METTL3: variants seen among roughly 807,000 people sequenced by gnomAD.
The protein encoded by METTL3 is N(6)-adenosine-methyltransferase catalytic subunit METTL3.
In METTL3, 42 loss-of-function variants were observed where a neutral mutation model predicts 64.3. The observed-to-expected ratio is 0.65, with a 90% CI of 0.51 to 0.84. METTL3 has a LOEUF of 0.84. Ranked by LOEUF, METTL3 falls within the 40% of genes least tolerant of loss-of-function variation. METTL3 has a pLI of 0.00. For synonymous variants in METTL3, 256 were observed against 263.6 expected (o/e 0.97, Z 0.28); for missense variants, 435 against 722.3 (o/e 0.60, Z 4.56).
At position 21,503,869 on chromosome 14, in the gene METTL3, G is replaced by A; in HGVS notation, c.113C>T (p.Pro38Leu). Residue 38 changes from proline (P) to leucine (L), a missense_variant, in exon 2 of 11, where the codon CCA becomes CTA. Physicochemically the swap from Pro to Leu is moderately conservative, Grantham distance 98. Transcript: ENST00000298717. ...GAAGGTTGGAGACAATGCTGCCTCT[G>A]GATTCCGTAGATCTAAGAATGAAGA... is the stretch of plus-strand genomic sequence containing the variant. Reference protein sequence around the residue: ...QDSGHLDLRNPEAALSPTFRS... With the variant: ...QDSGHLDLRNLEAALSPTFRS... 1.9e-6 allele frequency: 3 copies of A among 1,614,044 alleles called. No individual in the cohort carries two copies. The highest frequency in any genetic ancestry group is 2.5e-6 in the Non-Finnish European group (3 of 1,179,984).
intron 6 of METTL3, 72 bp downstream of exon 6, chr14:21,500,423 G>C: frequency 6.7e-7 from 1 of 1,503,466 alleles, no homozygotes; most frequent in Non-Finnish European, 9.2e-7. Flanking sequence ...GGAAAACCCA[G>C]GATTTTATCT....
At chr14:21,503,113 C>T (rs1891610059) in intron 3 of METTL3, 60 bp downstream of exon 3, 1 of 1,527,334 alleles carries the variant, frequency 6.5e-7, no homozygotes, top group African/African-American at 1.4e-5. Context: ...GGGGTAAATC[C>T]CTGTCAAACA....
intron 1 of METTL3, chr14:21,504,144 A>G (rs1264215723): frequency 4.6e-6 from 2 of 431,706 alleles, no homozygotes; most frequent in Non-Finnish European, 8.5e-6. Context: ...GCTGTGATAC[A>G]AAGAAAGTAA....
At chr14:21,502,989 T>G in intron 3 of METTL3, 184 bp downstream of exon 3, 1 of 656,898 alleles carries the variant, frequency 1.5e-6, no homozygotes, top group South Asian at 2.1e-5. Context: ...CCAATAGCAC[T>G]CCCCCATGTG....
intron 10 of METTL3, chr14:21,498,604 G>C: frequency 1.8e-6 from 1 of 550,604 alleles, no homozygotes; most frequent in Non-Finnish European, 3.2e-6. Context: ...CTAATGCTTA[G>C]CCAGGCCTGC....
intron 6 of METTL3, 82 bp downstream of exon 6, chr14:21,500,413 G>C: frequency 1.4e-6 from 2 of 1,427,336 alleles, no homozygotes; most frequent in Non-Finnish European, 2.0e-6. Flanking sequence ...AGTGGGGCTA[G>C]GAAAACCCAG....
intron 1 of METTL3, chr14:21,504,726 TTC>T (rs1891655390): frequency 6.6e-6 from 1 of 150,904 alleles, no homozygotes; most frequent in Non-Finnish European, 1.5e-5. Context: ...AGGTGAGGAG[TTC>T]GAGACCAGCC....
intron 1 of METTL3, chr14:21,509,533 C>CG (rs2139652000): frequency 1.3e-5 from 2 of 152,060 alleles, no homozygotes; most frequent in East Asian, 3.9e-4. Context: ...AGCTTGATGC[C>CG]AGGTGTTCAA....
At chr14:21,498,787 G>A in intron 10 of METTL3, 1 of 514,214 alleles carries the variant, frequency 1.9e-6, no homozygotes, top group Non-Finnish European at 3.5e-6. Flanking sequence ...AAGATCCTTG[G>A]GTTGTGAAGA....
chr14:21,506,281 G>C (rs1303078142), intron 1 of METTL3, among the ~76,000 whole-genome samples: 1 of 151,968 alleles, frequency 6.6e-6, no homozygotes, highest in African/African-American at 2.4e-5. Context: ...GGCCGGGCGT[G>C]GTTGGCTCAC....
At chr14:21,505,714 A>G (rs115577186) in intron 1 of METTL3, among the ~76,000 whole-genome samples, 5 of 152,340 alleles carry the variant, frequency 3.3e-5, no homozygotes, top group African/African-American at 1.2e-4. Context: ...CCAGAAAATG[A>G]TAAGAATCCC....
intron 5 of METTL3, 97 bp from the exon 6 acceptor site, chr14:21,500,779 A>G (rs1891546036): frequency 6.9e-7 from 1 of 1,452,008 alleles, no homozygotes; most frequent in Admixed American, 2.0e-5. Context: ...TTCCCTTAAA[A>G]GCTTATCTAT....
intron 10 of METTL3, chr14:21,498,607 A>AC: frequency 1.8e-6 from 1 of 549,078 alleles, no homozygotes. Context: ...ATGCTTAGCC[A>AC]GGCCTGCTTC....
At chr14:21,501,217 T>G in intron 4 of METTL3, 88 bp from the exon 5 acceptor site, 1 of 1,006,074 alleles carries the variant, frequency 9.9e-7, no homozygotes. Context: ...ATGTCTATTT[T>G]ATTACCCTCC....
rs575443493 is a variant in METTL3, at chr14:21,509,984, A to G, written c.100+1140T>C. On this transcript the variant is annotated intron_variant, in intron 1 of 10. Transcript: ENST00000298717. ...TTAATTATCTAGGTCCTATATAGCC[A>G]TAAAGGCCAAATTCAAGTGCCAATT... is the stretch of plus-strand genomic sequence containing the variant. 2.0e-5 allele frequency among the ~76,000 whole-genome samples: 3 copies of G among 152,298 alleles called. No individual in the cohort carries two copies. The South Asian group carries it at 6.2e-4, about 32-fold the overall frequency.
chr14:21,502,012 CTTTTTTT>C (rs75402343), intron 3 of METTL3, 109 bp from the exon 4 acceptor site: 4 of 458,390 alleles, frequency 8.7e-6, no homozygotes, highest in Non-Finnish European at 1.5e-5. Flanking sequence ...GATAAATCAA[CTTTTTTT>C]TTTTTTTTTT....
chr14:21,504,691 G>A (rs1891653650), intron 1 of METTL3: 1 of 152,130 alleles, frequency 6.6e-6, no homozygotes, highest in South Asian at 2.1e-4. Context: ...AGCACTCTGG[G>A]AGGCCAAGGT....
rs573287860 is a variant in METTL3 at position 21,501,549 on chromosome 14, C to T, written c.899+179G>A. 20 of 747,736 alleles carry T rather than the reference C, an allele frequency of 2.7e-5. No individual in the cohort carries two copies. The Admixed American group carries it at 4.2e-4, about 16-fold the overall frequency. 46.3% of individuals were successfully genotyped at this position (747,736 alleles called of 1,614,324 possible). A position where few individuals can be genotyped will look rare whatever the true frequency, so the allele number is the denominator to read the frequency against. On this transcript the variant is annotated intron_variant, in intron 4 of 10. Coordinates refer to ENST00000298717, the MANE Select transcript of METTL3 (RefSeq NM_019852.5). ...AAAAAATCTCAGTTATTTGGGAGTA[C>T]AGCCTGTATTCTTCCCACACAATGC...
rs548119941 is a variant in METTL3, at chr14:21,500,903, A to G, written c.1116+10T>C. 3.7e-6 allele frequency: 6 copies of G among 1,610,080 alleles called. No homozygotes were observed. The South Asian group carries it at 6.6e-5, about 18-fold the overall frequency. ...GTAAGTTGAGACGAGTTTTCTGAGC[A>G]GACAGGTACCTGAGGTGGGAAGAGT... On this transcript the variant is annotated intron_variant, in intron 5 of 10. Transcript: ENST00000298717.
Sources: allele counts gnomAD v4.1 joint callset (sites outside exome capture counted in the v4.1 genomes callset), GRCh38; gene constraint gnomAD v4.1.1; transcripts MANE v1.5; gene names NCBI Gene and HGNC (gene_info 2026-07-23, HGNC 2026-07-21).